SLC9D1: variants seen among roughly 807,000 people sequenced by gnomAD.
SLC9D1 encodes solute carrier family 9 member D1.
the SLC9D1 span, among the ~76,000 whole-genome samples, chr13:113,493,470 TGA>T: frequency 1.3e-5 from 2 of 152,150 alleles, no homozygotes; most frequent in Admixed American, 6.5e-5. Context: ...AGCAGTTGAG[TGA>T]GTCATTAAAA....
chr13:113,549,658 G>A, the SLC9D1 span: 2 of 1,153,084 alleles, frequency 1.7e-6, no homozygotes, highest in African/African-American at 1.5e-5. Context: ...CTCTAGCAGA[G>A]CGTCAGTGCA....
chr13:113,493,812 G>C, the SLC9D1 span, among the ~76,000 whole-genome samples: 13 of 152,328 alleles, frequency 8.5e-5, no homozygotes, highest in African/African-American at 3.1e-4. Flanking sequence ...GTCTAACACA[G>C]TACTGTCTTC....
chr13:113,543,197 G>A, the SLC9D1 span, among the ~76,000 whole-genome samples: 1 of 35,532 alleles, frequency 2.8e-5, no homozygotes, highest in Non-Finnish European at 4.5e-5. Flanking sequence ...CCTGCCCCTC[G>A]CCCTCCCTCT....
chr13:113,536,608 C>T, the SLC9D1 span: 8 of 983,672 alleles, frequency 8.1e-6, no homozygotes, highest in Non-Finnish European at 9.7e-6. Context: ...TCTTCCATTA[C>T]AGTGACTCTG....
chr13:113,502,297 TCCG>T, the SLC9D1 span, among the ~76,000 whole-genome samples: 1 of 152,170 alleles, frequency 6.6e-6, no homozygotes, highest in Non-Finnish European at 1.5e-5. Flanking sequence ...CACTGCAACC[TCCG>T]CCTCCCGGGT....
At chr13:113,495,983 C>A in the SLC9D1 span, 1 of 1,613,038 alleles carries the variant, frequency 6.2e-7, no homozygotes, top group Non-Finnish European at 8.5e-7. Flanking sequence ...TGAAGGAGAG[C>A]AGCCGGCAGC....
chr13:113,549,461 C>T, the SLC9D1 span: 4 of 1,613,940 alleles, frequency 2.5e-6, no homozygotes, highest in African/African-American at 5.3e-5. Context: ...CACGCTCAGC[C>T]TCTTGCTCGC....
the SLC9D1 span, chr13:113,539,226 A>G: frequency 1.2e-6 from 1 of 840,252 alleles, no homozygotes; most frequent in South Asian, 1.7e-5. This position sits in a 1 kb window ranked among gnomAD's most constrained non-coding sequence, Gnocchi z 4.8. Flanking sequence ...GACCAGACAC[A>G]CACACGCTCT....
At chr13:113,514,861 C>T in the SLC9D1 span, among the ~76,000 whole-genome samples, 49 of 152,322 alleles carry the variant, frequency 3.2e-4, no homozygotes, top group African/African-American at 9.9e-4. Flanking sequence ...GGATGACAGG[C>T]GTGTGCCACC....
At chr13:113,539,846 G>A in the SLC9D1 span, among the ~76,000 whole-genome samples, 1 of 152,070 alleles carries the variant, frequency 6.6e-6, no homozygotes, top group African/African-American at 2.4e-5. The surrounding 1 kb of genome is among the most constrained non-coding windows in gnomAD (Gnocchi z 4.8). Flanking sequence ...CCTCGGCAGT[G>A]TTTTAATCCT....
At chr13:113,499,533 T>C in the SLC9D1 span, among the ~76,000 whole-genome samples, 17 of 152,196 alleles carry the variant, frequency 1.1e-4, no homozygotes, top group Non-Finnish European at 2.1e-4. Flanking sequence ...TTTGTTGTAG[T>C]GTGTTTAAGA....
At chr13:113,496,649 A>G in the SLC9D1 span, among the ~76,000 whole-genome samples, 6 of 152,230 alleles carry the variant, frequency 3.9e-5, no homozygotes, top group Non-Finnish European at 8.8e-5. Context: ...CTTTAAATAT[A>G]TAAAGTATCA....
the SLC9D1 span, among the ~76,000 whole-genome samples, chr13:113,499,698 A>C: frequency 6.6e-6 from 1 of 152,336 alleles, no homozygotes; most frequent in Middle Eastern, 3.4e-3. Context: ...TTTAAAATCT[A>C]CTAGTTATGG....
At chr13:113,540,199 G>T in the SLC9D1 span, among the ~76,000 whole-genome samples, 2 of 152,170 alleles carry the variant, frequency 1.3e-5, no homozygotes, top group African/African-American at 2.4e-5. Flanking sequence ...GGTGATGAAC[G>T]TGTGAGTGCG....
the SLC9D1 span, chr13:113,496,093 C>T: frequency 1.8e-4 from 201 of 1,099,102 alleles, 1 homozygote; most frequent in African/African-American, 2.6e-3. Context: ...AGGGAGAGTG[C>T]GTGCCCACAT....
At chr13:113,509,418 G>A in the SLC9D1 span, among the ~76,000 whole-genome samples, 15 of 150,686 alleles carry the variant, frequency 1.0e-4, 1 homozygote, top group East Asian at 4.0e-4. Context: ...TGGGACTGGC[G>A]GGCTTGGTGG....
At chr13:113,530,113 A>G in the SLC9D1 span, 3 of 152,244 alleles carry the variant, frequency 2.0e-5, no homozygotes, top group Non-Finnish European at 4.4e-5. Flanking sequence ...ACCGGACAAA[A>G]AGTCCACACG....
At chr13:113,495,777 G>A in the SLC9D1 span, 1 of 1,614,166 alleles carries the variant, frequency 6.2e-7, no homozygotes, top group African/African-American at 1.3e-5. Flanking sequence ...CCAGAAGAAT[G>A]CAGTTCTGAA....
the SLC9D1 span, among the ~76,000 whole-genome samples, chr13:113,518,466 A>T: frequency 6.6e-5 from 10 of 152,372 alleles, no homozygotes; most frequent in African/African-American, 2.2e-4. Flanking sequence ...TAAAACATTT[A>T]CAAAATGCTG....
Sources: gnomAD v4.1 joint callset for allele counts (sites outside exome capture counted in the v4.1 genomes callset) on GRCh38, gnomAD v4.1.1 for gene constraint, Gnocchi (gnomAD v3.1) non-coding constraint, MANE v1.5 for transcripts, NCBI Gene and HGNC (gene_info 2026-07-23, HGNC 2026-07-21) for gene names.